Variants in L3MBTL3 observed in about 807,000 individuals in gnomAD.
The protein encoded by L3MBTL3 is lethal(3)malignant brain tumor-like protein 3.
In L3MBTL3, 27 loss-of-function variants were observed where a neutral mutation model predicts 102.3. The ratio of observed to expected loss-of-function variants is 0.26; its 90% CI spans 0.19 to 0.36. The LOEUF (loss-of-function observed/expected upper bound fraction) is 0.36. Among genes scored for constraint, L3MBTL3 ranks in the 10% least tolerant of loss-of-function variants. L3MBTL3 has a pLI of 1.00. For missense variants in L3MBTL3, 798 were observed against 955.3 expected, an observed-to-expected ratio of 0.84 and a Z score of 2.17; for synonymous variants, 340 against 320.9, an observed-to-expected ratio of 1.06 and a Z score of -0.64.
At chr6:130,082,911 C>T (rs892323653) in intron 14 of L3MBTL3, among the ~76,000 whole-genome samples, 5 of 152,104 alleles carry the variant, frequency 3.3e-5, no homozygotes, top group African/African-American at 1.2e-4. Flanking sequence ...TTCTGGTTTC[C>T]CTCAAACCTG....
chr6:130,070,914 G>A (rs1782598198), intron 12 of L3MBTL3, 62 bp from the exon 13 acceptor site: 4 of 1,337,014 alleles, frequency 3.0e-6, no homozygotes, highest in Admixed American at 3.7e-5. Flanking sequence ...TGCAGAGAGT[G>A]TGCAGTTCTT....
At chr6:130,118,572 T>C (rs1785893898) in intron 19 of L3MBTL3, among the ~76,000 whole-genome samples, 4 of 152,236 alleles carry the variant, frequency 2.6e-5, no homozygotes, top group Non-Finnish European at 2.9e-5. Flanking sequence ...GTATAGGCGC[T>C]TTTAATTTGA....
chr6:130,082,673 G>T (rs566772175), intron 14 of L3MBTL3, among the ~76,000 whole-genome samples: 1 of 152,244 alleles, frequency 6.6e-6, no homozygotes, highest in Non-Finnish European at 1.5e-5. Flanking sequence ...AAGGTTCCGT[G>T]CCTCTTTTTA....
In L3MBTL3 at chr6:130,052,947, A is replaced by C; in HGVS notation, c.538A>C (p.Lys180Gln). The C allele has an allele frequency of 1.2e-6, 2 of 1,613,940 alleles. No homozygotes were observed. The highest frequency in any genetic ancestry group is 1.7e-6 in the Non-Finnish European group (2 of 1,179,770). The change falls in exon 7 of 23, where the codon AAA becomes CAA. Residue 180 changes from lysine to glutamine, a missense_variant. This residue lies in a region of L3MBTL3 where 434 missense variants were observed against 506.6 expected (regional missense o/e 0.86). Coordinates refer to ENST00000361794, the MANE Select transcript of L3MBTL3 (RefSeq NM_032438.4). The stretch of plus-strand genomic sequence containing the variant: ...GAAGAAAAAACCAAAATTATCTCTG[A>C]AAGCTGACACCAAGGAGGATGGAGA... ...SRKKKPKLSL[K>Q]ADTKEDGEER...
intron 19 of L3MBTL3, among the ~76,000 whole-genome samples, chr6:130,119,941 A>G (rs1043132012): frequency 2.6e-5 from 4 of 152,194 alleles, no homozygotes; most frequent in East Asian, 1.9e-4. Flanking sequence ...AACTCCTTTT[A>G]TATTTGTTGG....
At chr6:130,090,888 C>T (rs2115208767) in intron 16 of L3MBTL3, among the ~76,000 whole-genome samples, 1 of 152,054 alleles carries the variant, frequency 6.6e-6, no homozygotes, top group South Asian at 2.1e-4. Context: ...AGCCTGGCCT[C>T]AAATTTATTG....
At chr6:130,112,214 A>G (rs142088024) in intron 19 of L3MBTL3, among the ~76,000 whole-genome samples, 226 of 152,202 alleles carry the variant, frequency 1.5e-3, no homozygotes, top group African/African-American at 5.1e-3. Context: ...TTGCTTGATG[A>G]TGTGCTCCAT....
intron 10 of L3MBTL3, among the ~76,000 whole-genome samples, chr6:130,062,766 A>G (rs1781983431): frequency 6.6e-6 from 1 of 150,576 alleles, no homozygotes; most frequent in Admixed American, 6.6e-5. Flanking sequence ...CTGCTCTCAT[A>G]TTGAACAACT....
intron 8 of L3MBTL3, 107 bp from the exon 9 acceptor site, chr6:130,057,299 A>G (rs1781569516): frequency 3.6e-6 from 3 of 829,988 alleles, no homozygotes; most frequent in African/African-American, 1.7e-5. Context: ...CCTGGAAGTC[A>G]GAGAAGAGCC....
At chr6:130,049,652 C>A (rs1780965136) in intron 4 of L3MBTL3, 104 bp from the exon 5 acceptor site, 1 of 1,293,556 alleles carries the variant, frequency 7.7e-7, no homozygotes, top group Non-Finnish European at 1.1e-6. Flanking sequence ...ATGTTGTAGC[C>A]TACACAGGTG....
chr6:130,020,225 C>CGCG (rs904319019), intron 1 of L3MBTL3, among the ~76,000 whole-genome samples: 1 of 149,512 alleles, frequency 6.7e-6, no homozygotes, highest in Non-Finnish European at 1.5e-5. Context: ...GTCCTCGCGC[C>CGCG]GCGGCGGCGG....
At chr6:130,047,607 A>G (rs1389740918) in intron 3 of L3MBTL3, among the ~76,000 whole-genome samples, 1 of 152,254 alleles carries the variant, frequency 6.6e-6, no homozygotes, top group Non-Finnish European at 1.5e-5. Context: ...AATTAACATC[A>G]GTGACATATG....
chr6:130,106,702 T>C (rs1409210715), intron 19 of L3MBTL3, among the ~76,000 whole-genome samples: 1 of 152,150 alleles, frequency 6.6e-6, no homozygotes, highest in Non-Finnish European at 1.5e-5. Context: ...CCTAATCATC[T>C]CCTCCCCTTC....
At chr6:130,083,484 ATGTG>A (rs1007332617) in intron 14 of L3MBTL3, 132 bp from the exon 15 acceptor site, 3 of 440,314 alleles carry the variant, frequency 6.8e-6, no homozygotes, top group Admixed American at 8.6e-5. Flanking sequence ...ATAGCTCTGA[ATGTG>A]TGAGTAAAGT....
intron 15 of L3MBTL3, among the ~76,000 whole-genome samples, chr6:130,085,236 T>C (rs1460354358): frequency 1.3e-5 from 2 of 152,206 alleles, no homozygotes; most frequent in African/African-American, 4.8e-5. Context: ...TTCCACTGTC[T>C]GTGAGTTTTT....
At chr6:130,098,184 A>G (rs926765036) in intron 18 of L3MBTL3, among the ~76,000 whole-genome samples, 1 of 152,158 alleles carries the variant, frequency 6.6e-6, no homozygotes, top group African/African-American at 2.4e-5. Flanking sequence ...TTTCAGAAAC[A>G]CCTAAAGGAT....
At chr6:130,030,736 A>G (rs62421319) in intron 2 of L3MBTL3, among the ~76,000 whole-genome samples, 3,732 of 150,648 alleles carry the variant, frequency 0.025, 83 homozygotes, top group Non-Finnish European at 0.038. Flanking sequence ...CTTTGCTGTT[A>G]CATTAAGTTG....
intron 2 of L3MBTL3, among the ~76,000 whole-genome samples, chr6:130,033,026 G>A (rs1320012227): frequency 1.3e-5 from 2 of 152,200 alleles, no homozygotes; most frequent in Middle Eastern, 3.4e-3. Context: ...CTGATTTGTC[G>A]GAAGTCATGG....
chr6:130,068,524 G>A (rs568888158), intron 12 of L3MBTL3, 103 bp downstream of exon 12: 11 of 632,792 alleles, frequency 1.7e-5, no homozygotes, highest in East Asian at 1.1e-4. Flanking sequence ...AAATTTTATC[G>A]CCTTGGTAAA....
Sources: gnomAD v4.1 joint callset for allele counts (sites outside exome capture counted in the v4.1 genomes callset) on GRCh38, gnomAD v4.1.1 for gene constraint, gnomAD v4.1.1 regional missense constraint, MANE v1.5 for transcripts, NCBI Gene and HGNC (gene_info 2026-07-23, HGNC 2026-07-21) for gene names.